RIPOR3: variants seen among roughly 807,000 people sequenced by gnomAD.
RIPOR3 encodes the protein family with sequence similarity 65 member C.
RIPOR3 carries 95 observed loss-of-function variants against 114.3 expected under a neutral mutation model. The observed-to-expected ratio is 0.83, with a 90% CI of 0.70 to 0.99. RIPOR3 has a LOEUF of 0.99. RIPOR3 is among the 50% of genes least tolerant of loss of function. The pLI, the probability that RIPOR3 is intolerant of heterozygous loss-of-function variation, is 0.00. For synonymous variants in RIPOR3, 575 were observed against 543.8 expected, an observed-to-expected ratio of 1.06 and a Z score of -0.80; for missense variants, 1,252 against 1,266.9, an observed-to-expected ratio of 0.99 and a Z score of 0.18.
Position 50,608,669 on chromosome 20 carries a change from A to C in RIPOR3, c.754T>G (p.Trp252Gly). ...GRIESDDSQT[W>G]DEEEKAFIPT... ...ATGAAGGCCTTCTCCTCTTCGTCCCAGGTCTGGCTGTCATCTGACTCGATC... is the reference window on the plus strand; with the variant it reads ...ATGAAGGCCTTCTCCTCTTCGTCCCCGGTCTGGCTGTCATCTGACTCGATC... The change falls in exon 10 of 22, where the codon TGG (tryptophan) becomes GGG (glycine). Residue 252 changes from tryptophan (W) to glycine (G), a missense_variant. Transcript: ENST00000327979. 1 of 1,614,002 alleles carries C rather than the reference A, an allele frequency of 6.2e-7. No individual in the cohort carries two copies. Among genetic ancestry groups the C allele is most frequent in the Non-Finnish European group, 8.5e-7 (1 of 1,179,910 alleles).
intron 1 of RIPOR3, among the ~76,000 whole-genome samples, chr20:50,664,607 A>G (rs368596071): frequency 7.2e-5 from 11 of 152,236 alleles, no homozygotes; most frequent in Admixed American, 3.3e-4. Context: ...TGGGCAAATC[A>G]CTCAACGCTC....
chr20:50,665,666 C>T (rs2086166477), intron 1 of RIPOR3, among the ~76,000 whole-genome samples: 1 of 151,990 alleles, frequency 6.6e-6, no homozygotes, highest in Admixed American at 6.6e-5. Context: ...GTGATCCACC[C>T]GCCTTGGCCT....
intron 1 of RIPOR3, among the ~76,000 whole-genome samples, chr20:50,666,901 C>G (rs542665645): frequency 6.6e-6 from 1 of 152,274 alleles, no homozygotes; most frequent in South Asian, 2.1e-4. Flanking sequence ...AACATCTTAT[C>G]TGCATGATCC....
chr20:50,658,492 G>C (rs554484626), intron 1 of RIPOR3, among the ~76,000 whole-genome samples: 1 of 152,132 alleles, frequency 6.6e-6, no homozygotes, highest in South Asian at 2.1e-4. Context: ...AGGATCGCTC[G>C]AGCCCAGGAG....
rs374931640 is a variant in RIPOR3, at chr20:50,608,907, C to T, written c.684+5G>A. 7.6e-5 allele frequency: 121 copies of T among 1,596,562 alleles called. No individual in the cohort carries two copies. Among genetic ancestry groups the T allele is most frequent in the Non-Finnish European group, 9.9e-5 (116 of 1,172,096 alleles). On this transcript the variant is annotated splice_donor_5th_base_variant and intron_variant, in intron 9 of 21. Transcript: ENST00000327979. Reference sequence around the variant, plus strand: ...CTGAGGATTGACCCCAGAGAGTGGCCGTACCTCATAGTGGTCTCCGGGACA... The same window carrying T: ...CTGAGGATTGACCCCAGAGAGTGGCTGTACCTCATAGTGGTCTCCGGGACA...
intron 1 of RIPOR3, among the ~76,000 whole-genome samples, chr20:50,669,077 A>G (rs2086366902): frequency 6.6e-6 from 1 of 151,940 alleles, no homozygotes; most frequent in African/African-American, 2.4e-5. Flanking sequence ...CATTATACAC[A>G]TATGTACACA....
intron 1 of RIPOR3, among the ~76,000 whole-genome samples, chr20:50,669,517 A>C (rs1050147136): frequency 6.6e-6 from 1 of 152,224 alleles, no homozygotes; most frequent in Non-Finnish European, 1.5e-5. Context: ...GGACCATGGC[A>C]GATCTAGTTC....
chr20:50,614,248 C>T lies in RIPOR3; in HGVS notation c.348+1754G>A, dbSNP rs200507606. On this transcript the variant is annotated intron_variant, in intron 4 of 21. Coordinates refer to ENST00000327979, the MANE Select transcript of RIPOR3 (RefSeq NM_001290268.2). ...ATGGGGTTTCACCATGTTGGCCAGG[C>T]TGGTCTCAAACTCCTGATCTCGAGT... Among the ~76,000 whole-genome samples, 17 of 152,298 alleles carry T rather than the reference C, an allele frequency of 1.1e-4. No homozygotes were observed. The East Asian group carries it at 3.3e-3, about 29-fold the overall frequency.
intron 1 of RIPOR3, among the ~76,000 whole-genome samples, chr20:50,688,886 G>C (rs1244647333): frequency 1.3e-5 from 2 of 152,142 alleles, no homozygotes; most frequent in Non-Finnish European, 2.9e-5. Context: ...GGGGGACCCT[G>C]GGGGGAGCAC....
intron 7 of RIPOR3, 49 bp from the exon 8 acceptor site, chr20:50,609,405 G>A (rs747793139): frequency 2.4e-5 from 38 of 1,597,816 alleles, no homozygotes; most frequent in South Asian, 7.8e-5. Context: ...GCTAGGCCAC[G>A]AGGGCCTCTA....
At chr20:50,655,261 T>C (rs939184219) in intron 1 of RIPOR3, among the ~76,000 whole-genome samples, 1 of 152,228 alleles carries the variant, frequency 6.6e-6, no homozygotes, top group East Asian at 1.9e-4. Flanking sequence ...TTAGATTAAA[T>C]AGTGGTTTTA....
At chr20:50,589,922 C>T (rs982125088) in intron 19 of RIPOR3, 153 bp from the exon 20 acceptor site, 6 of 653,212 alleles carry the variant, frequency 9.2e-6, no homozygotes, top group Non-Finnish European at 1.7e-5. Context: ...TCTTTGGGCC[C>T]TGTGTACACA....
At chr20:50,656,068 T>C (rs1049896427) in intron 1 of RIPOR3, among the ~76,000 whole-genome samples, 1 of 151,782 alleles carries the variant, frequency 6.6e-6, no homozygotes, top group Non-Finnish European at 1.5e-5. Context: ...TGCAGTAGCA[T>C]GCGATCTTGG....
chr20:50,654,494 A>T (rs1422780010), intron 1 of RIPOR3, among the ~76,000 whole-genome samples: 1 of 132,492 alleles, frequency 7.5e-6, no homozygotes, highest in Non-Finnish European at 1.6e-5. Context: ...GCAGTGGCGC[A>T]ATCTCGGCTC....
chr20:50,610,765 G>A (rs936352629), intron 6 of RIPOR3, 88 bp downstream of exon 6: 2 of 1,572,404 alleles, frequency 1.3e-6, no homozygotes, highest in Middle Eastern at 1.7e-4. Context: ...TGTTTCGAGG[G>A]CACCTCCCCA....
intron 1 of RIPOR3, chr20:50,636,807 GC>G: frequency 1.0e-6 from 1 of 985,522 alleles, no homozygotes; most frequent in Non-Finnish European, 1.2e-6. Flanking sequence ...GGCCAAAGCT[GC>G]CCTGCGTCTC....
rs139859156 is a variant in RIPOR3 at position 50,667,286 on chromosome 20, CTTTTTTTTTTTTT to C, written c.3+23827_3+23839del. Among the ~76,000 whole-genome samples the C allele has an allele frequency of 2.7e-4, 18 of 67,570 alleles. No homozygotes were observed. In the East Asian group the frequency reaches 6.7e-3, roughly 25 times the overall value. 44.3% of individuals were successfully genotyped at this position (67,570 alleles called of 152,430 possible). On this transcript the variant is annotated intron_variant, in intron 1 of 21. Coordinates refer to ENST00000327979, the MANE Select transcript of RIPOR3 (RefSeq NM_001290268.2). Reference sequence around the variant, plus strand: ...TTTCTGCTTTAAGTTCTTTAAACTACTTTTTTTTTTTTTTTTTTTTTTTTTGAGAGGGAGTCTC... The same window carrying C: ...TTTCTGCTTTAAGTTCTTTAAACTACTTTTTTTTTTTTGAGAGGGAGTCTC...
intron 2 of RIPOR3, among the ~76,000 whole-genome samples, chr20:50,622,063 G>T (rs917329525): frequency 1.6e-4 from 25 of 152,156 alleles, no homozygotes; most frequent in African/African-American, 6.0e-4. Context: ...GTTGAATTCT[G>T]CTCTTAGCCC....
rs1183803577 is a variant in RIPOR3, at chr20:50,597,607, G to T, written c.1763C>A (p.Ser588Tyr). Residue 588 changes from serine to tyrosine, a missense_variant, in exon 14 of 22, where the codon TCC becomes TAC. Physicochemically the swap from Ser to Tyr is moderately radical, Grantham distance 144 (BLOSUM62 -2). Coordinates refer to ENST00000327979, the MANE Select transcript of RIPOR3 (RefSeq NM_001290268.2). ...GAGACCCTGGGAGCCCCCAAACAGG[G>T]ACAGCTCATCCAGGGCGAAGTCGGC... ...LNADFALDEL[S>Y]LFGGSQGLRK... is the part of the protein sequence containing the mutation. 7 of 1,610,104 alleles carry T rather than the reference G, an allele frequency of 4.3e-6. No individual in the cohort carries two copies. Among genetic ancestry groups the T allele is most frequent in the Non-Finnish European group, 4.2e-6 (5 of 1,178,270 alleles).
Sources: gnomAD v4.1 joint callset for allele counts (sites outside exome capture counted in the v4.1 genomes callset) on GRCh38, gnomAD v4.1.1 for gene constraint, MANE v1.5 for transcripts, NCBI Gene and HGNC (gene_info 2026-07-23, HGNC 2026-07-21) for gene names.